Variants in FBXL4 observed in about 807,000 individuals in gnomAD.
The protein encoded by FBXL4 is F-box/LRR-repeat protein 4.
FBXL4 carries 40 observed loss-of-function variants against 58.9 expected under a neutral mutation model. The observed-to-expected ratio is 0.68, with a 90% CI of 0.53 to 0.88. FBXL4 has a LOEUF of 0.88. FBXL4 is among the 40% of genes least tolerant of loss of function. The probability of loss-of-function intolerance (pLI) is 0.00; values close to 1 mark genes in which losing one functional copy is unlikely to be tolerated. For missense variants in FBXL4, 676 were observed against 734.4 expected (o/e 0.92, Z 0.92); for synonymous variants, 263 against 265.5 (o/e 0.99, Z 0.09).
chr6:98,931,952 T>C (rs145760942), intron 2 of FBXL4, among the ~76,000 whole-genome samples: 158 of 152,340 alleles, frequency 1.0e-3, no homozygotes, highest in Non-Finnish European at 2.1e-3. Flanking sequence ...AACCAATGAA[T>C]ATCCCTATGG....
intron 4 of FBXL4, among the ~76,000 whole-genome samples, chr6:98,920,130 T>C (rs1772523283): frequency 6.6e-6 from 1 of 152,102 alleles, no homozygotes; most frequent in African/African-American, 2.4e-5. Flanking sequence ...ATAATGTAAA[T>C]CAAATTAAAA....
At chr6:98,936,497 C>A (rs567138819) in intron 1 of FBXL4, among the ~76,000 whole-genome samples, 2 of 152,192 alleles carry the variant, frequency 1.3e-5, no homozygotes, top group Non-Finnish European at 2.9e-5. Context: ...TCTGAAACAG[C>A]AAGACTGACC....
In FBXL4 at chr6:98,874,353, C is replaced by G; in HGVS notation, c.1791G>C (p.Gln597His). Residue 597 changes from glutamine to histidine, a missense_variant, in exon 10 of 10, where the codon CAG (glutamine) becomes CAC (histidine). Transcript: ENST00000369244. ...LSLLDVSFCS[Q>H]IDNRAVLELN... ...GTTCTAGCACAGCTCTGTTATCAAT[C>G]TGCGAACAGAAGGACACATCAAGTA... 1.2e-6 allele frequency: 2 copies of G among 1,613,186 alleles called. No homozygotes were observed. Among genetic ancestry groups the G allele is most frequent in the Non-Finnish European group, 8.5e-7 (1 of 1,179,624 alleles).
rs1193556796 is a variant in FBXL4, at chr6:98,896,792, G to A, written c.1317+2476C>T. 7 of 966,542 alleles carry A rather than the reference G, an allele frequency of 7.2e-6. No individual in the cohort carries two copies. The East Asian group carries it at 8.0e-4, about 111-fold the overall frequency. 59.9% of individuals were successfully genotyped at this position (966,542 alleles called of 1,614,324 possible). A position where few individuals can be genotyped will look rare whatever the true frequency, so the allele number is the denominator to read the frequency against. On this transcript the variant is annotated intron_variant, in intron 7 of 9. Transcript: ENST00000369244. ...ACAATGATTTTACATCTGTATTTAA[G>A]TAACTGAGGGAAACCAGAGCTTATG...
chr6:98,894,010 A>G (rs1183194824), intron 7 of FBXL4, among the ~76,000 whole-genome samples: 1 of 152,060 alleles, frequency 6.6e-6, no homozygotes, highest in Non-Finnish European at 1.5e-5. Context: ...CCTGAGTGGG[A>G]CTACAGGGGC....
chr6:98,931,003 T>C (rs1288253732), intron 2 of FBXL4, among the ~76,000 whole-genome samples: 5 of 152,186 alleles, frequency 3.3e-5, no homozygotes, highest in Non-Finnish European at 7.4e-5. Flanking sequence ...AATCAGCTAA[T>C]TTAGAAGACT....
At chr6:98,883,282 T>C (rs1035875593) in intron 7 of FBXL4, among the ~76,000 whole-genome samples, 9 of 152,060 alleles carry the variant, frequency 5.9e-5, no homozygotes, top group Non-Finnish European at 8.8e-5. Context: ...GGGTTGTTTC[T>C]TCCTTCTTGA....
At chr6:98,934,202 C>A (rs1426358320) in intron 2 of FBXL4, among the ~76,000 whole-genome samples, 1 of 152,082 alleles carries the variant, frequency 6.6e-6, no homozygotes, top group African/African-American at 2.4e-5. Context: ...TTTTTGCACT[C>A]CAAATCTGTG....
chr6:98,882,190 A>G (rs912985512), intron 7 of FBXL4, among the ~76,000 whole-genome samples: 1 of 152,126 alleles, frequency 6.6e-6, no homozygotes, highest in Non-Finnish European at 1.5e-5. Flanking sequence ...ATAGGTTCCA[A>G]TATAACACCC....
intron 5 of FBXL4, among the ~76,000 whole-genome samples, chr6:98,911,221 T>A (rs1452019045): frequency 2.0e-5 from 3 of 152,186 alleles, no homozygotes; most frequent in Admixed American, 6.5e-5. Flanking sequence ...GAGGCCTACC[T>A]GCCTCTGTAG....
rs939866868 is a variant in FBXL4 at position 98,869,914 on chromosome 6, C to T, written c.*4364G>A. On this transcript the variant is annotated 3_prime_UTR_variant, in exon 10 of 10. Transcript: ENST00000369244. ...TTACATTGAGAGTATTATTTATGCT[C>T]TTAAACAGGATCAGGGATATCTTTA... 2.0e-5 allele frequency: 3 copies of T among 152,036 alleles called. No homozygotes were observed. Among genetic ancestry groups the T allele is most frequent in the African/African-American group, 7.2e-5 (3 of 41,398 alleles). The allele number at this position is 152,036 out of a possible 1,614,324, so 9.4% of individuals were successfully genotyped here.
At chr6:98,882,839 A>G (rs1313151002) in intron 7 of FBXL4, among the ~76,000 whole-genome samples, 1 of 152,080 alleles carries the variant, frequency 6.6e-6, no homozygotes, top group African/African-American at 2.4e-5. Context: ...ATAGCATACA[A>G]TCTCATTTGA....
intron 4 of FBXL4, among the ~76,000 whole-genome samples, chr6:98,919,731 G>T (rs1378184250): frequency 6.6e-6 from 1 of 152,186 alleles, no homozygotes; most frequent in Non-Finnish European, 1.5e-5. Context: ...ACAGAAGCAT[G>T]AAACATCTAA....
In FBXL4 at chr6:98,870,060, A is replaced by G. The variant is rs1770453004; in HGVS notation, c.*4218T>C. On this transcript the variant is annotated 3_prime_UTR_variant, in exon 10 of 10. Transcript: ENST00000369244. Reference sequence around the variant, plus strand: ...ACCTGGCTTCAAAATTTAACAAACAAAGAGTCTACATAAATATCTTTCTTG... The same window carrying G: ...ACCTGGCTTCAAAATTTAACAAACAGAGAGTCTACATAAATATCTTTCTTG... 1 of 152,204 alleles carries G rather than the reference A, an allele frequency of 6.6e-6. No homozygotes were observed. Among genetic ancestry groups the G allele is most frequent in the Non-Finnish European group, 1.5e-5 (1 of 68,028 alleles). 9.4% of individuals were successfully genotyped at this position (152,204 alleles called of 1,614,324 possible).
chr6:98,921,036 A>T (rs1772563871), intron 4 of FBXL4, among the ~76,000 whole-genome samples: 1 of 152,194 alleles, frequency 6.6e-6, no homozygotes, highest in Admixed American at 6.5e-5. Context: ...AGTATTTTAA[A>T]TCTCAAGTAT....
At chr6:98,876,091 C>T (rs191693592) in intron 8 of FBXL4, among the ~76,000 whole-genome samples, 25 of 152,258 alleles carry the variant, frequency 1.6e-4, no homozygotes, top group Admixed American at 1.1e-3. Context: ...TACTTTCCTC[C>T]GTTTTATATA....
Position 98,946,454 on chromosome 6 carries a change from G to A in FBXL4, c.-309+1352C>T, listed in dbSNP as rs569248337. 8.5e-5 allele frequency among the ~76,000 whole-genome samples: 13 copies of A among 152,282 alleles called. No homozygotes were observed. In the East Asian group the frequency reaches 2.3e-3, roughly 27 times the overall value. On this transcript the variant is annotated intron_variant, in intron 1 of 9. Transcript: ENST00000369244. ...GTGTTAGATCCGCGAAGTTAAGATC[G>A]AGAATGTTAACCGCAGCAACATTAA...
chr6:98,889,950 A>G (rs781703107), intron 7 of FBXL4, among the ~76,000 whole-genome samples: 7 of 152,190 alleles, frequency 4.6e-5, no homozygotes, highest in Non-Finnish European at 1.0e-4. Flanking sequence ...AAGCAAAACT[A>G]CTTAATAAAA....
intron 6 of FBXL4, among the ~76,000 whole-genome samples, chr6:98,904,918 C>A (rs953102039): frequency 6.6e-6 from 1 of 152,194 alleles, no homozygotes; most frequent in Admixed American, 6.5e-5. Context: ...CTGGGCAGGT[C>A]TGCAAGTGTG....
Sources: allele counts gnomAD v4.1 joint callset (sites outside exome capture counted in the v4.1 genomes callset), GRCh38; gene constraint gnomAD v4.1.1; transcripts MANE v1.5; gene names NCBI Gene and HGNC (gene_info 2026-07-23, HGNC 2026-07-21).